Variants in AZIN1 observed in about 807,000 individuals in gnomAD.
AZIN1 encodes antizyme inhibitor 1, also known as ornithine decarboxylase antizyme inhibitor.
AZIN1 carries 12 observed loss-of-function variants against 47.4 expected under a neutral mutation model. That is an observed-to-expected ratio of 0.25 (90% CI 0.16 to 0.41). The LOEUF is 0.41. Ranked by LOEUF, AZIN1 falls within the 10% of genes least tolerant of loss-of-function variation. AZIN1 has a pLI of 1.00. For synonymous variants in AZIN1, 155 were observed against 176.3 expected, an observed-to-expected ratio of 0.88 and a Z score of 0.96; for missense variants, 410 against 532.4, an observed-to-expected ratio of 0.77 and a Z score of 2.26.
At chr8:102,844,254 C>T (rs1024193513) in intron 2 of AZIN1, among the ~76,000 whole-genome samples, 3 of 152,060 alleles carry the variant, frequency 2.0e-5, no homozygotes, top group Non-Finnish European at 4.4e-5. Flanking sequence ...TGCCTGTAAT[C>T]CCAGCACTTT....
chr8:102,850,024 T>C (rs1812823670), intron 2 of AZIN1: 1 of 152,170 alleles, frequency 6.6e-6, no homozygotes, highest in Admixed American at 6.5e-5. Context: ...CTACAGTTGA[T>C]TGTACTTCAG....
At chr8:102,841,003 C>T (rs1812145156) in intron 3 of AZIN1, among the ~76,000 whole-genome samples, 1 of 151,680 alleles carries the variant, frequency 6.6e-6, no homozygotes, top group South Asian at 2.1e-4. Flanking sequence ...TGGGATGAAA[C>T]AACAAGGTAT....
intron 2 of AZIN1, among the ~76,000 whole-genome samples, chr8:102,852,207 T>C (rs1205212805): frequency 6.6e-6 from 1 of 152,158 alleles, no homozygotes; most frequent in Non-Finnish European, 1.5e-5. Flanking sequence ...GTTTAGGAGA[T>C]CTTTGCAAAC....
At position 102,834,239 on chromosome 8, in the gene AZIN1, T is replaced by G; in HGVS notation, c.691A>C (p.Met231Leu). 3 of 1,612,432 alleles carry G rather than the reference T, an allele frequency of 1.9e-6. No individual in the cohort carries two copies. The highest frequency in any genetic ancestry group is 1.7e-6 in the Non-Finnish European group (2 of 1,179,776). Residue 231 changes from methionine to leucine, a missense_variant, in exon 8 of 12, where the codon ATG (methionine) becomes CTG (leucine). Physicochemically the swap from Met to Leu is conservative, Grantham distance 15. Transcript: ENST00000337198. ...GTGAATCCTCCACCAATGTCTAACA[T>G]GTTCATCGTAAAGCCAATTTCTCCC... ...MAGEIGFTMN[M>L]LDIGGGFTGT...
chr8:102,841,803 T>TAAAA (rs1280642913), intron 3 of AZIN1, among the ~76,000 whole-genome samples: 6 of 122,968 alleles, frequency 4.9e-5, no homozygotes, highest in African/African-American at 1.9e-4. Flanking sequence ...TATATATATA[T>TAAAA]ATAAAAAAAA....
chr8:102,835,134 A>G (rs904327396), intron 6 of AZIN1: 1 of 159,790 alleles, frequency 6.3e-6, no homozygotes, highest in African/African-American at 2.4e-5. Flanking sequence ...AATTTTACCC[A>G]ACCAAATACA....
At chr8:102,842,353 T>G (rs1812257418) in intron 3 of AZIN1, among the ~76,000 whole-genome samples, 1 of 151,796 alleles carries the variant, frequency 6.6e-6, no homozygotes, top group Admixed American at 6.6e-5. Context: ...GCAGATCACA[T>G]GTTGGTCAGG....
chr8:102,862,004 C>T (rs1160801606), intron 1 of AZIN1, among the ~76,000 whole-genome samples: 1 of 151,806 alleles, frequency 6.6e-6, no homozygotes, highest in South Asian at 2.1e-4. Flanking sequence ...CCACTGCACT[C>T]CAGCCTGGGC....
rs778990933 is a variant in AZIN1, at chr8:102,836,416, C to T, written c.450-26G>A. 3.7e-6 allele frequency: 6 copies of T among 1,611,226 alleles called. No individual in the cohort carries two copies. The South Asian group carries it at 6.6e-5, about 18-fold the overall frequency. ...CTAAGAGAAGGGGAGATGATTGGGG[C>T]AGAGTTGGTTTACATCATCATCAGC... is the stretch of plus-strand genomic sequence containing the variant. On this transcript the variant is annotated intron_variant, in intron 5 of 11. Coordinates refer to ENST00000337198, the MANE Select transcript of AZIN1 (RefSeq NM_148174.4).
chr8:102,862,323 A>ACCT (rs993531403), intron 1 of AZIN1, among the ~76,000 whole-genome samples: 8 of 152,136 alleles, frequency 5.3e-5, no homozygotes, highest in Admixed American at 5.2e-4. Flanking sequence ...AAATGCATCG[A>ACCT]CAAATAAGGT....
At chr8:102,836,490 T>G (rs1374898991) in intron 5 of AZIN1, 100 bp from the exon 6 acceptor site, 9 of 1,317,544 alleles carry the variant, frequency 6.8e-6, no homozygotes, top group Non-Finnish European at 9.6e-6. Context: ...ATGTTGCCAG[T>G]GCTCCCAAAT....
Position 102,850,167 on chromosome 8 carries a change from T to C in AZIN1, c.-95-6420A>G, listed in dbSNP as rs575604885. Reference sequence around the variant, plus strand: ...TCCCTGGAAGTAGAACAGGGAGAGCTGAAAGGTTGAGAATACTGTTTCAGA... The same window carrying C: ...TCCCTGGAAGTAGAACAGGGAGAGCCGAAAGGTTGAGAATACTGTTTCAGA... On this transcript the variant is annotated intron_variant, in intron 2 of 11. Coordinates refer to ENST00000337198, the MANE Select transcript of AZIN1 (RefSeq NM_148174.4). 2.0e-5 allele frequency: 3 copies of C among 152,328 alleles called. No homozygotes were observed. The East Asian group carries it at 5.8e-4, about 29-fold the overall frequency. 9.4% of individuals were successfully genotyped at this position (152,328 alleles called of 1,614,324 possible). A position where few individuals can be genotyped will look rare whatever the true frequency, so the allele number is the denominator to read the frequency against.
In AZIN1 at chr8:102,829,428, T is replaced by C; in HGVS notation, c.1079A>G (p.Glu360Gly). The C allele has an allele frequency of 6.2e-7, 1 of 1,614,068 alleles. No homozygotes were observed. ...ACAGCTTTCCACAATTTGATCAAGC[T>C]CATCACAGGATGGACCCCAAAGGCT... ...TSSLWGPSCD[E>G]LDQIVESCLL... Residue 360 changes from glutamate (E) to glycine (G), a missense_variant, in exon 11 of 12, where the codon GAG becomes GGG. Coordinates refer to ENST00000337198, the MANE Select transcript of AZIN1 (RefSeq NM_148174.4).
chr8:102,828,331 A>C lies in AZIN1; in HGVS notation c.*236T>G. ...GTTGCATATTTTATTTTAAACGCTT[A>C]AGGGGTAGGACAAACTGGTAGGTTT... On this transcript the variant is annotated 3_prime_UTR_variant, in exon 12 of 12. Transcript: ENST00000337198. 2.9e-6 allele frequency: 1 copy of C among 345,616 alleles called. No individual in the cohort carries two copies. The highest frequency in any genetic ancestry group is 5.2e-6 in the Non-Finnish European group (1 of 190,496). 21.4% of individuals were successfully genotyped at this position (345,616 alleles called of 1,614,324 possible). A position where few individuals can be genotyped will look rare whatever the true frequency, so the allele number is the denominator to read the frequency against.
rs536459533 is a variant in AZIN1, at chr8:102,839,013, A to G, written c.277-97T>C. Reference sequence around the variant, plus strand: ...TATTACCCCCACCCCTTTTAAAACCAGGGTCTCACTCTTTGTATTCCAGGC... The same window carrying G: ...TATTACCCCCACCCCTTTTAAAACCGGGGTCTCACTCTTTGTATTCCAGGC... On this transcript the variant is annotated intron_variant, in intron 4 of 11. Coordinates refer to ENST00000337198, the MANE Select transcript of AZIN1 (RefSeq NM_148174.4). The G allele has an allele frequency of 7.3e-6, 8 of 1,090,066 alleles. No individual in the cohort carries two copies. In the African/African-American group the frequency reaches 1.3e-4, roughly 17 times the overall value. 67.5% of individuals were successfully genotyped at this position (1,090,066 alleles called of 1,614,324 possible). A position where few individuals can be genotyped will look rare whatever the true frequency, so the allele number is the denominator to read the frequency against.
intron 2 of AZIN1, among the ~76,000 whole-genome samples, chr8:102,855,062 C>CT (rs567171708): frequency 2.0e-4 from 31 of 151,468 alleles, no homozygotes; most frequent in South Asian, 8.3e-4. Context: ...TAGGGGATTT[C>CT]TTTTTTTTTG....
At chr8:102,863,677 C>T (rs1312745846) in intron 1 of AZIN1, 130 bp downstream of exon 1, 1 of 150,686 alleles carries the variant, frequency 6.6e-6, no homozygotes, top group Non-Finnish European at 1.5e-5. Context: ...CCGCCATGTT[C>T]GAGGCGGCCG....
intron 1 of AZIN1, among the ~76,000 whole-genome samples, chr8:102,863,167 C>T (rs1417283206): frequency 6.6e-6 from 1 of 152,220 alleles, no homozygotes; most frequent in Non-Finnish European, 1.5e-5. Flanking sequence ...GGGGCTTCCC[C>T]GCCGCCAGGC....
rs765069909 is a variant in AZIN1 at position 102,843,666 on chromosome 8, C to T, written c.-14G>A. ...AAATCCTTTCATCTCAGCCGTATTC[C>T]ACAAAGCCGAAAGTCATAAACCAGG... On this transcript the variant is annotated 5_prime_UTR_variant, in exon 3 of 12. Coordinates refer to ENST00000337198, the MANE Select transcript of AZIN1 (RefSeq NM_148174.4). 6.2e-7 allele frequency: 1 copy of T among 1,613,626 alleles called. No individual in the cohort carries two copies. The highest frequency in any genetic ancestry group is 8.5e-7 in the Non-Finnish European group (1 of 1,179,816).
Sources: allele counts gnomAD v4.1 joint callset (sites outside exome capture counted in the v4.1 genomes callset), GRCh38; gene constraint gnomAD v4.1.1; transcripts MANE v1.5; gene names NCBI Gene and HGNC (gene_info 2026-07-23, HGNC 2026-07-21).